SLIT3: variants seen among roughly 807,000 people sequenced by gnomAD.
SLIT3 encodes the protein slit homolog 3 protein.
Under a neutral mutation model 184.0 loss-of-function variants are expected in SLIT3, and 68 were observed. That is an observed-to-expected ratio of 0.37 (90% confidence interval 0.30 to 0.45). SLIT3 has a LOEUF of 0.45. SLIT3 is among the 20% of genes least tolerant of loss of function. The pLI is 1.00. For missense variants in SLIT3, 1,707 were observed against 2,026.0 expected (o/e 0.84, Z 3.02); for synonymous variants, 831 against 828.6 (o/e 1.00, Z -0.05).
chr5:169,040,073 T>G (rs1384953268), intron 4 of SLIT3, among the ~76,000 whole-genome samples: 1 of 152,176 alleles, frequency 6.6e-6, no homozygotes, highest in African/African-American at 2.4e-5. Context: ...AGATGAGATA[T>G]AAACAGTTTA....
At chr5:169,251,501 C>T in intron 1 of SLIT3, 42 bp from the exon 2 acceptor site, 1 of 1,320,634 alleles carries the variant, frequency 7.6e-7, no homozygotes, top group Non-Finnish European at 1.1e-6. Flanking sequence ...TTGTGGGTTA[C>T]AATTACGGTC....
At chr5:169,056,732 CT>C (rs1392155260) in intron 4 of SLIT3, among the ~76,000 whole-genome samples, 7 of 152,194 alleles carry the variant, frequency 4.6e-5, no homozygotes, top group Admixed American at 2.6e-4. Flanking sequence ...TTTATAATCA[CT>C]TTAAGAGACA....
At chr5:169,240,084 T>A (rs1765342193) in intron 3 of SLIT3, among the ~76,000 whole-genome samples, 1 of 152,038 alleles carries the variant, frequency 6.6e-6, no homozygotes. Context: ...TTTTTCTACT[T>A]TTCTTATTAA....
intron 4 of SLIT3, among the ~76,000 whole-genome samples, chr5:169,027,453 C>G (rs1160988019): frequency 6.6e-6 from 1 of 152,134 alleles, no homozygotes; most frequent in Non-Finnish European, 1.5e-5. Flanking sequence ...GAAGTCTGGC[C>G]CACACTTCTC....
chr5:168,713,884 C>T (rs1462579672), intron 23 of SLIT3, among the ~76,000 whole-genome samples: 2 of 152,182 alleles, frequency 1.3e-5, no homozygotes, highest in Non-Finnish European at 2.9e-5. Context: ...GATGCTGACG[C>T]CAGTAGCAAG....
chr5:168,917,743 C>T lies in SLIT3; in HGVS notation c.414-34407G>A, dbSNP rs537496892. 1.3e-4 allele frequency among the ~76,000 whole-genome samples: 20 copies of T among 152,248 alleles called. No individual in the cohort carries two copies. The East Asian group carries it at 2.7e-3, about 21-fold the overall frequency. ...CCCTCCAATCTGGAAGGTTTTGGCA[C>T]GTTAAAATCTAATTCCTCTTTGGAG... On this transcript the variant is annotated intron_variant, in intron 4 of 35. Coordinates refer to ENST00000519560, the MANE Select transcript of SLIT3 (RefSeq NM_003062.4).
intron 3 of SLIT3, among the ~76,000 whole-genome samples, chr5:169,243,709 C>T (rs1581095580): frequency 1.3e-5 from 2 of 152,360 alleles, no homozygotes; most frequent in South Asian, 4.1e-4. Context: ...CCCAAGCCCA[C>T]CTCTGTAAAT....
chr5:168,889,101 A>C (rs1760337360), intron 4 of SLIT3, among the ~76,000 whole-genome samples: 1 of 152,184 alleles, frequency 6.6e-6, no homozygotes, highest in Non-Finnish European at 1.5e-5. Context: ...AGGGAAAGAC[A>C]CTGTTTTGCT....
At chr5:168,808,038 TAC>T (rs1757034904) in intron 8 of SLIT3, among the ~76,000 whole-genome samples, 1 of 152,134 alleles carries the variant, frequency 6.6e-6, no homozygotes, top group Non-Finnish European at 1.5e-5. Context: ...CGACCTCACT[TAC>T]ATATACACAA....
intron 20 of SLIT3, among the ~76,000 whole-genome samples, chr5:168,747,260 C>T (rs904499273): frequency 6.6e-6 from 1 of 152,192 alleles, no homozygotes; most frequent in Non-Finnish European, 1.5e-5. Context: ...TCCTAGCAAC[C>T]TTGTACCTCT....
At chr5:169,049,421 C>T (rs1018841364) in intron 4 of SLIT3, among the ~76,000 whole-genome samples, 3 of 152,094 alleles carry the variant, frequency 2.0e-5, no homozygotes, top group African/African-American at 7.2e-5. Flanking sequence ...TGTTGCTTTG[C>T]TTAACTTTTG....
At chr5:168,855,449 C>A (rs1758830081) in intron 5 of SLIT3, among the ~76,000 whole-genome samples, 1 of 152,128 alleles carries the variant, frequency 6.6e-6, no homozygotes, top group South Asian at 2.1e-4. Context: ...TTCACAATAG[C>A]CAAAAGGTGG....
At position 168,671,527 on chromosome 5, in the gene SLIT3, G is replaced by A. The variant is rs1276958817; in HGVS notation, c.3842-44C>T. On this transcript the variant is annotated intron_variant, in intron 33 of 35. Coordinates refer to ENST00000519560, the MANE Select transcript of SLIT3 (RefSeq NM_003062.4). ...GACAGTGGCCTGAAGACCCTCCCCT[G>A]CCACCCTGCTGTCCTCAGAGCGAAA... 3.2e-6 allele frequency: 5 copies of A among 1,572,622 alleles called. No individual in the cohort carries two copies. In the Middle Eastern group the frequency reaches 5.2e-4, roughly 163 times the overall value.
rs557123800 is a variant in SLIT3 at position 168,975,747 on chromosome 5, A to G, written c.414-92411T>C. Among the ~76,000 whole-genome samples, 4 of 152,258 alleles carry G rather than the reference A, an allele frequency of 2.6e-5. No individual in the cohort carries two copies. The South Asian group carries it at 8.3e-4, about 32-fold the overall frequency. ...TTGCTTCCCTCCCCAGAAGTCCTCT[A>G]GAAACCTGTTCCTCACTCCACCTCC... On this transcript the variant is annotated intron_variant, in intron 4 of 35. Coordinates refer to ENST00000519560, the MANE Select transcript of SLIT3 (RefSeq NM_003062.4).
rs1302595124 is a variant in SLIT3, at chr5:168,661,953, T to A, written c.*4501A>T. ...AGAAAAGCAAGCTTTGCCAAATGCC[T>A]GATTATGCCTTTACTGGTCCTGCTA... is the stretch of plus-strand genomic sequence containing the variant. On this transcript the variant is annotated 3_prime_UTR_variant, in exon 36 of 36. Coordinates refer to ENST00000519560, the MANE Select transcript of SLIT3 (RefSeq NM_003062.4). 1 of 152,230 alleles carries A rather than the reference T, an allele frequency of 6.6e-6. No individual in the cohort carries two copies. The highest frequency in any genetic ancestry group is 6.5e-5 in the Admixed American group (1 of 15,288). 9.4% of individuals were successfully genotyped at this position (152,230 alleles called of 1,614,324 possible).
At chr5:169,138,710 C>A (rs1381079999) in intron 4 of SLIT3, among the ~76,000 whole-genome samples, 1 of 152,222 alleles carries the variant, frequency 6.6e-6, no homozygotes, top group Non-Finnish European at 1.5e-5. Context: ...TGCGTGTTCT[C>A]CCCTCTGTGG....
chr5:168,672,528 G>A (rs1761286140), intron 33 of SLIT3, among the ~76,000 whole-genome samples: 1 of 151,934 alleles, frequency 6.6e-6, no homozygotes, highest in African/African-American at 2.4e-5. Flanking sequence ...CAGGTTGCAG[G>A]GCAGTGGCAC....
intron 2 of SLIT3, among the ~76,000 whole-genome samples, chr5:169,250,198 T>A (rs975669452): frequency 1.3e-5 from 2 of 152,202 alleles, no homozygotes; most frequent in African/African-American, 4.8e-5. Context: ...GGGCTCATAA[T>A]AATGCCCCAC....
rs553953434 is a variant in SLIT3, at chr5:169,139,405, C to A, written c.413+54074G>T. Among the ~76,000 whole-genome samples, 11 of 152,330 alleles carry A rather than the reference C, an allele frequency of 7.2e-5. No homozygotes were observed. In the East Asian group the frequency reaches 2.1e-3, roughly 29 times the overall value. ...AACTACTTTTTATGTGTGATGTTAT[C>A]TAATCCTTACAGCTCTTCCAGCATC... is the stretch of plus-strand genomic sequence containing the variant. On this transcript the variant is annotated intron_variant, in intron 4 of 35. Coordinates refer to ENST00000519560, the MANE Select transcript of SLIT3 (RefSeq NM_003062.4).
Sources: gnomAD v4.1 joint callset for allele counts (sites outside exome capture counted in the v4.1 genomes callset) on GRCh38, gnomAD v4.1.1 for gene constraint, MANE v1.5 for transcripts, NCBI Gene and HGNC (gene_info 2026-07-23, HGNC 2026-07-21) for gene names.